The following PODNL1 variants were observed in gnomAD, a reference collection of about 807,000 sequenced individuals.
The protein encoded by PODNL1 is podocan-like protein 1.
Under a neutral mutation model 45.1 loss-of-function variants are expected in PODNL1, and 50 were observed. That is an observed-to-expected ratio of 1.11 (90% confidence interval 0.88 to 1.40). The LOEUF (loss-of-function observed/expected upper bound fraction) is 1.40, where lower values mean the gene tolerates loss of function less well. Among genes scored for constraint, PODNL1 ranks in the 40% most tolerant of loss-of-function variants. The probability of loss-of-function intolerance (pLI) is 0.00; values close to 1 mark genes in which losing one functional copy is unlikely to be tolerated. For synonymous variants in PODNL1, 406 were observed against 372.5 expected (o/e 1.09, Z -1.04); for missense variants, 788 against 793.3 (o/e 0.99, Z 0.08).
rs1971937748 is a variant in PODNL1, at chr19:13,931,481, G to T, written c.*256C>A. 2 of 387,574 alleles carry T rather than the reference G, an allele frequency of 5.2e-6. No individual in the cohort carries two copies. Among genetic ancestry groups the T allele is most frequent in the Non-Finnish European group, 9.0e-6 (2 of 221,130 alleles). 24.0% of individuals were successfully genotyped at this position (387,574 alleles called of 1,614,324 possible). On this transcript the variant is annotated 3_prime_UTR_variant, in exon 10 of 10. Transcript: ENST00000588872. The stretch of plus-strand genomic sequence containing the variant: ...CCTGGTCCGTGCTGAGTGCTGGAAG[G>T]GTTTGGCTTTATTGTTGCTGCCTCC...
rs1357468250 is a variant in PODNL1 at position 13,933,850 on chromosome 19, C to A, written c.767+28G>T. The A allele has an allele frequency of 6.4e-7, 1 of 1,556,890 alleles. No individual in the cohort carries two copies. The highest frequency in any genetic ancestry group is 2.4e-5 in the East Asian group (1 of 42,218). On this transcript the variant is annotated intron_variant, in intron 7 of 9. Transcript: ENST00000588872. The surrounding 1 kb of genome is among the most constrained non-coding windows in gnomAD (Gnocchi z 5.2). ...GGGACCCCCGACTGTAAATTCTCAGCCCCTGCTGCCCCCCAACCAGCCTGT... is the reference window on the plus strand; with the variant it reads ...GGGACCCCCGACTGTAAATTCTCAGACCCTGCTGCCCCCCAACCAGCCTGT...
At chr19:13,947,941 C>A (rs1040630910) in intron 1 of PODNL1, among the ~76,000 whole-genome samples, 2 of 152,136 alleles carry the variant, frequency 1.3e-5, no homozygotes, top group Non-Finnish European at 2.9e-5. Context: ...TCACTTGCAG[C>A]CTTGAACTCC....
At chr19:13,934,229 G>A (rs1334838554) in intron 6 of PODNL1, 25 bp downstream of exon 6, 4 of 1,491,952 alleles carry the variant, frequency 2.7e-6, no homozygotes, top group Admixed American at 2.5e-5. Context: ...AGTCTGGCCC[G>A]GGGTGGGACC....
chr19:13,935,623 G>A (rs763504897), intron 5 of PODNL1, 98 bp downstream of exon 5: 31 of 934,192 alleles, frequency 3.3e-5, no homozygotes, highest in Middle Eastern at 2.2e-4. Flanking sequence ...CACTGCACCC[G>A]GCCGAGGGCA....
At chr19:13,937,729 C>A in intron 2 of PODNL1, 56 bp downstream of exon 2, 2 of 1,498,900 alleles carry the variant, frequency 1.3e-6, no homozygotes, top group Non-Finnish European at 1.8e-6. Context: ...CCCTCCAGCT[C>A]CCCTCACCAC....
chr19:13,931,884 GGCCCT>G lies in PODNL1; in HGVS notation c.1575-2_1577del, dbSNP rs1316364046. 5 of 1,231,908 alleles carry G rather than the reference GGCCCT, an allele frequency of 4.1e-6. No homozygotes were observed. The highest frequency in any genetic ancestry group is 5.1e-6 in the Non-Finnish European group (5 of 987,934). The allele number at this position is 1,231,908 out of a possible 1,614,324, so 76.3% of individuals were successfully genotyped here. The stretch of plus-strand genomic sequence containing the variant: ...CGATGCTCGTCATGTGAAGCCTGTT[GGCCCT>G]GCACAGAGAGGCGGTCATGACCCTC... On this transcript the variant is annotated splice_acceptor_variant and coding_sequence_variant, in exon 10 of 10. Coordinates refer to ENST00000588872, the MANE Select transcript of PODNL1 (RefSeq NM_001370095.3). LOFTEE classifies it high-confidence loss of function.
chr19:13,943,422 C>G (rs1972717819), upstream of PODNL1, among the ~76,000 whole-genome samples: 1 of 152,132 alleles, frequency 6.6e-6, no homozygotes, highest in Non-Finnish European at 1.5e-5. Flanking sequence ...CCTCAGTTTC[C>G]ACGTGGCCTT....
At chr19:13,943,194 G>T (rs1173293921), upstream of PODNL1, among the ~76,000 whole-genome samples, 1 of 152,024 alleles carries the variant, frequency 6.6e-6, no homozygotes, top group Non-Finnish European at 1.5e-5. Context: ...TACTCAGGAG[G>T]CTGAGGCAGA....
chr19:13,946,745 G>A (rs549119959), intron 1 of PODNL1, among the ~76,000 whole-genome samples: 1 of 152,040 alleles, frequency 6.6e-6, no homozygotes, highest in African/African-American at 2.4e-5. Context: ...TCCAAGTGAC[G>A]AACGATCAGA....
chr19:13,937,816 A>C lies in PODNL1; in HGVS notation c.194T>G (p.Ile65Ser). ...GLDLRVFPDN[I>S]TRAAQHLSLQ... ...GGAGAGGTGCTGAGCGGCTCTGGTG[A>C]TGTTGTCCGGGAACACTCGAAGGTC... is the stretch of plus-strand genomic sequence containing the variant. The change falls in exon 2 of 10, where the codon ATC (isoleucine) becomes AGC (serine). Residue 65 changes from isoleucine to serine, a missense_variant. Ile to Ser is a moderately radical substitution (Grantham distance 142, BLOSUM62 -2). Transcript: ENST00000588872. 6.3e-7 allele frequency: 1 copy of C among 1,593,914 alleles called. No homozygotes were observed. Among genetic ancestry groups the C allele is most frequent in the Non-Finnish European group, 8.5e-7 (1 of 1,171,814 alleles).
Position 13,938,239 on chromosome 19 carries a change from A to C in PODNL1, c.-58T>G, listed in dbSNP as rs565705509. The C allele has an allele frequency of 6.3e-7, 1 of 1,592,092 alleles. No homozygotes were observed. Among genetic ancestry groups the C allele is most frequent in the African/African-American group, 1.3e-5 (1 of 74,314 alleles). On this transcript the variant is annotated 5_prime_UTR_variant, in exon 1 of 10. Coordinates refer to ENST00000588872, the MANE Select transcript of PODNL1 (RefSeq NM_001370095.3). ...TGCTGACCAGGACTTCCTAATGGAA[A>C]CCAGGCGGTCACCTCCTGGAGCCTC...
chr19:13,939,293 C>A (rs959125327), upstream of PODNL1, among the ~76,000 whole-genome samples: 2 of 152,188 alleles, frequency 1.3e-5, no homozygotes, highest in Non-Finnish European at 2.9e-5. Flanking sequence ...CTCACTGCAA[C>A]CTCCACCTCC....
upstream of PODNL1, chr19:13,938,579 G>T: frequency 1.9e-6 from 1 of 532,304 alleles, no homozygotes; most frequent in Non-Finnish European, 2.5e-6. Context: ...GGAGGGATGG[G>T]GGGAGCTTCG....
intron 1 of PODNL1, among the ~76,000 whole-genome samples, chr19:13,947,537 G>A (rs1188863479): frequency 6.6e-6 from 1 of 151,944 alleles, no homozygotes; most frequent in African/African-American, 2.4e-5. Context: ...TCATGTTGGT[G>A]TCCACCAAGA....
At chr19:13,939,251 G>A (rs908242023), upstream of PODNL1, among the ~76,000 whole-genome samples, 26 of 152,126 alleles carry the variant, frequency 1.7e-4, no homozygotes, top group Non-Finnish European at 1.0e-4. Flanking sequence ...TCACTCTGTC[G>A]CCTAGGCTGG....
At chr19:13,945,346 TA>T (rs35507378) in intron 1 of PODNL1, among the ~76,000 whole-genome samples, 334 of 140,648 alleles carry the variant, frequency 2.4e-3, no homozygotes, top group Middle Eastern at 3.5e-3. Flanking sequence ...CCCTCATCTC[TA>T]AAAAAAAAAA....
chr19:13,933,421 G>A lies in PODNL1; in HGVS notation c.802C>T (p.His268Tyr), dbSNP rs1411001566. ...GCGGGCACTGTGGTCAGCTGGTTGT[G>A]GGAGAGATCCAGGTATTCAAGGCTA... is the stretch of plus-strand genomic sequence containing the variant. ...LHSLEYLDLS[H>Y]NQLTTVPAGL... is the part of the protein sequence containing the mutation. The change falls in exon 8 of 10, where the codon CAC (histidine) becomes TAC (tyrosine). Residue 268 changes from histidine (H) to tyrosine (Y), a missense_variant. This residue lies in a region of PODNL1 where 762 missense variants were observed against 750.9 expected (regional missense o/e 1.01). Transcript: ENST00000588872. This position sits in a 1 kb window ranked among gnomAD's most constrained non-coding sequence, Gnocchi z 5.2. The A allele has an allele frequency of 1.3e-6, 2 of 1,593,726 alleles. No homozygotes were observed. The highest frequency in any genetic ancestry group is 2.7e-5 in the African/African-American group (2 of 74,640).
At chr19:13,938,129 T>G (rs764451798) in intron 1 of PODNL1, 50 bp downstream of exon 1, 2 of 1,543,094 alleles carry the variant, frequency 1.3e-6, no homozygotes, top group Non-Finnish European at 1.7e-6. Flanking sequence ...AGAGCAGGGG[T>G]GGGGGGGCAG....
intron 2 of PODNL1, among the ~76,000 whole-genome samples, chr19:13,936,743 C>T (rs113613152): frequency 0.16 from 14,776 of 95,008 alleles, 2,107 homozygotes; most frequent in Admixed American, 0.27. Flanking sequence ...CCACAACCGA[C>T]CCCAAATGCA....
Sources: gnomAD v4.1 joint callset for allele counts (sites outside exome capture counted in the v4.1 genomes callset) on GRCh38, gnomAD v4.1.1 for gene constraint, gnomAD v4.1.1 regional missense constraint, Gnocchi (gnomAD v3.1) non-coding constraint, MANE v1.5 for transcripts, NCBI Gene and HGNC (gene_info 2026-07-23, HGNC 2026-07-21) for gene names.